The following PLEKHG2 variants were observed in gnomAD, a reference collection of about 807,000 sequenced individuals.
PLEKHG2 encodes pleckstrin homology and RhoGEF domain containing G2.
In PLEKHG2, 71 loss-of-function variants were observed where a neutral mutation model predicts 104.4. That is an observed-to-expected ratio of 0.68 (90% CI 0.56 to 0.83). The LOEUF (loss-of-function observed/expected upper bound fraction) is 0.83, where lower values mean the gene tolerates loss of function less well. Among genes scored for constraint, PLEKHG2 ranks in the 40% least tolerant of loss-of-function variants. The pLI, the probability that PLEKHG2 is intolerant of heterozygous loss-of-function variation, is 0.00. For synonymous variants in PLEKHG2, 728 were observed against 737.0 expected (o/e 0.99, Z 0.20); for missense variants, 1,730 against 1,809.4 (o/e 0.96, Z 0.80).
In PLEKHG2 at chr19:39,415,013, C is replaced by A; in HGVS notation, c.131C>A (p.Ala44Asp). ...GCAGCTCCTGCAGCCCCCACCATGGCCTCCCCCCGAGGTTCTGGGAGCTCC... is the reference window on the plus strand; with the variant it reads ...GCAGCTCCTGCAGCCCCCACCATGGACTCCCCCCGAGGTTCTGGGAGCTCC... ...TRTAPAAPTMASPRGSGSSTS... is the reference protein window; with the variant it reads ...TRTAPAAPTMDSPRGSGSSTS... Residue 44 changes from alanine (A) to aspartate (D), a missense_variant, in exon 3 of 19, where the codon GCC (alanine) becomes GAC (aspartate). Coordinates refer to ENST00000425673, the MANE Select transcript of PLEKHG2 (RefSeq NM_022835.3). The surrounding 1 kb of genome is among the most constrained non-coding windows in gnomAD (Gnocchi z 4.6). 1 of 1,596,494 alleles carries A rather than the reference C, an allele frequency of 6.3e-7. No homozygotes were observed. The highest frequency in any genetic ancestry group is 1.1e-5 in the South Asian group (1 of 89,182).
At chr19:39,417,743 GCC>G in intron 8 of PLEKHG2, 51 bp downstream of exon 8, 1 of 1,491,392 alleles carries the variant, frequency 6.7e-7, no homozygotes. Flanking sequence ...GAGCGAGGGG[GCC>G]TTGGGGCGGG....
In PLEKHG2 at chr19:39,425,236, A is replaced by G. The variant is rs202010025; in HGVS notation, c.4103A>G (p.Gln1368Arg). Residue 1368 changes from glutamine to arginine, a missense_variant, in exon 19 of 19, where the codon CAG becomes CGG. Physicochemically the swap from Gln to Arg is conservative, Grantham distance 43 (BLOSUM62 1). Coordinates refer to ENST00000425673, the MANE Select transcript of PLEKHG2 (RefSeq NM_022835.3). The part of the protein sequence containing the change: ...LNHPALLAST[Q>R]ESMGLHRAQG... ...CACCCTGCTCTCTTGGCCTCCACACAGGAATCTATGGGCCTTCACAGGGCC... is the reference window on the plus strand; with the variant it reads ...CACCCTGCTCTCTTGGCCTCCACACGGGAATCTATGGGCCTTCACAGGGCC... 2.4e-3 allele frequency: 3,848 copies of G among 1,613,518 alleles called. 15 individuals carry two copies. Among genetic ancestry groups the G allele is most frequent in the Admixed American group, 2.7e-3 (160 of 60,006 alleles).
In PLEKHG2 at chr19:39,415,058, G is replaced by T; in HGVS notation, c.176G>T (p.Gly59Val). Residue 59 changes from glycine (G) to valine (V), a missense_variant, in exon 3 of 19, where the codon GGC (glycine) becomes GTC (valine). By Grantham distance (109) the Gly-to-Val change is moderately radical. Coordinates refer to ENST00000425673, the MANE Select transcript of PLEKHG2 (RefSeq NM_022835.3). This position sits in a 1 kb window ranked among gnomAD's most constrained non-coding sequence, Gnocchi z 4.6. ...AGCTCCACATCCCTGAGCACAGTGG[G>T]CTCTGAGGGGGATCCAGCCCCTGGG... ...SGSSTSLSTVGSEGDPAPGPT... is the reference protein window; with the variant it reads ...SGSSTSLSTVVSEGDPAPGPT... 6.3e-7 allele frequency: 1 copy of T among 1,593,642 alleles called. No homozygotes were observed. Among genetic ancestry groups the T allele is most frequent in the Non-Finnish European group, 8.5e-7 (1 of 1,170,684 alleles).
intron 11 of PLEKHG2, 44 bp downstream of exon 11, chr19:39,419,047 C>T (rs1371260431): frequency 1.3e-6 from 2 of 1,529,616 alleles, no homozygotes; most frequent in Non-Finnish European, 1.8e-6. Flanking sequence ...GTGCTGGAGA[C>T]ACCCTCCCCC....
rs201914405 is a variant in PLEKHG2, at chr19:39,423,585, G to A, written c.2531G>A (p.Arg844His). The A allele has an allele frequency of 5.9e-6, 9 of 1,533,656 alleles. No homozygotes were observed. The highest frequency in any genetic ancestry group is 4.1e-5 in the Admixed American group (2 of 48,688). The change falls in exon 18 of 19, where the codon CGC becomes CAC. Residue 844 changes from arginine (R) to histidine (H), a missense_variant. Transcript: ENST00000425673. ...ACTCGGGCATCAGCCAATGCCCCGC[G>A]CCGCCGGCCTCGGGTTCTGGCCCAA... is the stretch of plus-strand genomic sequence containing the variant. ...AETRASANAP[R>H]RRPRVLAQPQ...
chr19:39,420,004 G>A (rs1440498349), intron 11 of PLEKHG2, among the ~76,000 whole-genome samples: 1 of 152,026 alleles, frequency 6.6e-6, no homozygotes, highest in East Asian at 1.9e-4. Flanking sequence ...GGTGAGCCGA[G>A]ATCATGCCAT....
intron 16 of PLEKHG2, chr19:39,421,911 G>A: frequency 2.3e-6 from 1 of 427,202 alleles, no homozygotes; most frequent in Non-Finnish European, 4.0e-6. Flanking sequence ...CAGCTACTCA[G>A]GAGGCTGAGG....
In PLEKHG2 at chr19:39,424,136, C is replaced by G; in HGVS notation, c.3003C>G (p.Ser1001=). Residue 1001 remains serine, a synonymous_variant, in exon 19 of 19, where the codon TCC becomes TCG. Transcript: ENST00000425673. ...HRSHMVIPAP[S]TAFCPEQGHC... is the part of the protein sequence containing the mutation. ...GTCACATGGTTATACCAGCTCCATC[C>G]ACCGCCTTTTGTCCTGAGCAGGGAC... is the stretch of plus-strand genomic sequence containing the variant. 6.2e-7 allele frequency: 1 copy of G among 1,614,130 alleles called. No individual in the cohort carries two copies. The highest frequency in any genetic ancestry group is 8.5e-7 in the Non-Finnish European group (1 of 1,179,982).
At chr19:39,420,535 C>G in intron 11 of PLEKHG2, 91 bp from the exon 12 acceptor site, 2 of 1,541,144 alleles carry the variant, frequency 1.3e-6, no homozygotes, top group Non-Finnish European at 9.0e-7. Flanking sequence ...AAAACAGCAC[C>G]CATTAATGGG....
At position 39,422,784 on chromosome 19, in the gene PLEKHG2, A is replaced by T. The variant is rs2078720322; in HGVS notation, c.1730A>T (p.Asp577Val). 1 of 1,525,906 alleles carries T rather than the reference A, an allele frequency of 6.6e-7. No homozygotes were observed. Among genetic ancestry groups the T allele is most frequent in the Non-Finnish European group, 8.8e-7 (1 of 1,139,474 alleles). 94.5% of individuals were successfully genotyped at this position (1,525,906 alleles called of 1,614,324 possible). A position where few individuals can be genotyped will look rare whatever the true frequency, so the allele number is the denominator to read the frequency against. ...KFPGDSQVPGDSETLTFQALP... is the reference protein window; with the variant it reads ...KFPGDSQVPGVSETLTFQALP... The stretch of plus-strand genomic sequence containing the variant: ...CCCGGAGACTCCCAGGTGCCTGGCG[A>T]CAGCGAAACCCTCACATTCCAAGCC... The change falls in exon 18 of 19, where the codon GAC becomes GTC. Residue 577 changes from aspartate (D) to valine (V), a missense_variant. By Grantham distance (152) the Asp-to-Val change is radical. Coordinates refer to ENST00000425673, the MANE Select transcript of PLEKHG2 (RefSeq NM_022835.3).
Position 39,416,661 on chromosome 19 carries a change from G to C in PLEKHG2, c.593+64G>C. On this transcript the variant is annotated intron_variant, in intron 6 of 18. Coordinates refer to ENST00000425673, the MANE Select transcript of PLEKHG2 (RefSeq NM_022835.3). This position sits in a 1 kb window ranked among gnomAD's most constrained non-coding sequence, Gnocchi z 4.5. ...CCACAAGCTGATGTGCCAGTCACCC[G>C]TCACCCTCCCTCTACCCCCGACCCA... The C allele has an allele frequency of 1.3e-6, 2 of 1,592,396 alleles. No homozygotes were observed. The highest frequency in any genetic ancestry group is 1.7e-6 in the Non-Finnish European group (2 of 1,162,146).
chr19:39,424,497 C>G lies in PLEKHG2; in HGVS notation c.3364C>G (p.Arg1122Gly). 1 of 1,614,140 alleles carries G rather than the reference C, an allele frequency of 6.2e-7. No individual in the cohort carries two copies. The highest frequency in any genetic ancestry group is 8.5e-7 in the Non-Finnish European group (1 of 1,180,046). ...LPAHGSHLDH[R>G]IPANAPLSLS... ...TGCACATGGAAGCCACCTGGACCAT[C>G]GGATCCCAGCCAACGCCCCACTGTC... Residue 1122 changes from arginine to glycine, a missense_variant, in exon 19 of 19, where the codon CGG becomes GGG. Coordinates refer to ENST00000425673, the MANE Select transcript of PLEKHG2 (RefSeq NM_022835.3).
chr19:39,419,039 G>A (rs1355710723), intron 11 of PLEKHG2, 36 bp downstream of exon 11: 9 of 1,565,298 alleles, frequency 5.7e-6, no homozygotes, highest in Non-Finnish European at 7.8e-6. Flanking sequence ...CCCTCTGAGT[G>A]CTGGAGACAC....
intron 7 of PLEKHG2, 93 bp downstream of exon 7, chr19:39,417,093 T>C (rs2145986990): frequency 1.4e-6 from 2 of 1,410,524 alleles, no homozygotes; most frequent in East Asian, 2.4e-5. Context: ...CCCCCACGAG[T>C]TGGGCAAGGC....
At position 39,413,588 on chromosome 19, in the gene PLEKHG2, G is replaced by C. The variant is rs2078552960; in HGVS notation, c.-23+176G>C. 1 of 152,820 alleles carries C rather than the reference G, an allele frequency of 6.5e-6. No homozygotes were observed. Among genetic ancestry groups the C allele is most frequent in the Non-Finnish European group, 1.5e-5 (1 of 68,396 alleles). 9.5% of individuals were successfully genotyped at this position (152,820 alleles called of 1,614,324 possible). On this transcript the variant is annotated intron_variant, in intron 1 of 18. Transcript: ENST00000425673. The surrounding 1 kb of genome is among the most constrained non-coding windows in gnomAD (Gnocchi z 4.5). ...CTGTGGGGACGGCGATCGGGGTTCG[G>C]AGAGACCGGCCGGAGGGGGTGCGAG...
rs1210608168 is a variant in PLEKHG2, at chr19:39,425,042, C to T, written c.3909C>T (p.Ala1303=). 6.3e-7 allele frequency: 1 copy of T among 1,598,580 alleles called. No individual in the cohort carries two copies. The highest frequency in any genetic ancestry group is 8.5e-7 in the Non-Finnish European group (1 of 1,172,868). Residue 1303 remains alanine (A), a synonymous_variant, in exon 19 of 19, where the codon GCC becomes GCT. Transcript: ENST00000425673. ...RQGPGGGAPA[A]SRGSWSSAPT... Reference sequence around the variant, plus strand: ...GGCCTGGGGGAGGGGCCCCCGCAGCCTCCCGGGGCTCCTGGTCCTCTGCTC... The same window carrying T: ...GGCCTGGGGGAGGGGCCCCCGCAGCTTCCCGGGGCTCCTGGTCCTCTGCTC...
chr19:39,414,251 C>CT, intron 2 of PLEKHG2, 56 bp downstream of exon 2: 1 of 1,490,736 alleles, frequency 6.7e-7, no homozygotes, highest in African/African-American at 1.4e-5. Context: ...CTTGGCAATG[C>CT]TGTCAAGGCA....
chr19:39,422,903 G>A lies in PLEKHG2; in HGVS notation c.1849G>A (p.Gly617Arg), dbSNP rs1396182579. The change falls in exon 18 of 19, where the codon GGG (glycine) becomes AGG (arginine). Residue 617 changes from glycine (G) to arginine (R), a missense_variant. Coordinates refer to ENST00000425673, the MANE Select transcript of PLEKHG2 (RefSeq NM_022835.3). ...RGPSPLHVLE[G>R]LESSIAAEMP... ...GCCTTCCCCACTCCACGTCCTGGAA[G>A]GGCTCGAAAGTTCCATTGCAGCTGA... 1.2e-6 allele frequency: 2 copies of A among 1,602,394 alleles called. No individual in the cohort carries two copies. Among genetic ancestry groups the A allele is most frequent in the African/African-American group, 1.3e-5 (1 of 74,850 alleles).
In PLEKHG2 at chr19:39,416,224, A is replaced by C; in HGVS notation, c.480-124A>C. The C allele has an allele frequency of 3.3e-6, 3 of 905,464 alleles. No homozygotes were observed. The highest frequency in any genetic ancestry group is 5.4e-6 in the Non-Finnish European group (3 of 558,452). 56.1% of individuals were successfully genotyped at this position (905,464 alleles called of 1,614,324 possible). A position where few individuals can be genotyped will look rare whatever the true frequency, so the allele number is the denominator to read the frequency against. On this transcript the variant is annotated intron_variant, in intron 4 of 18. Coordinates refer to ENST00000425673, the MANE Select transcript of PLEKHG2 (RefSeq NM_022835.3). This position sits in a 1 kb window ranked among gnomAD's most constrained non-coding sequence, Gnocchi z 4.5. ...CTTCCTCCGGACATGACATCCCCTT[A>C]GGAGATGCTGGCAGTCAGCAAGCCC... is the stretch of plus-strand genomic sequence containing the variant.
Sources: gnomAD v4.1 joint callset for allele counts (sites outside exome capture counted in the v4.1 genomes callset) on GRCh38, gnomAD v4.1.1 for gene constraint, Gnocchi (gnomAD v3.1) non-coding constraint, MANE v1.5 for transcripts, NCBI Gene and HGNC (gene_info 2026-07-23, HGNC 2026-07-21) for gene names.